Variants in CFAP54 observed in about 807,000 individuals in gnomAD.
The protein encoded by CFAP54 is cilia and flagella associated protein 54.
In CFAP54, 290 loss-of-function variants were observed where a neutral mutation model predicts 370.4. The observed-to-expected ratio is 0.78, with a 90% CI of 0.71 to 0.86. The LOEUF (loss-of-function observed/expected upper bound fraction) is 0.86. Among genes scored for constraint, CFAP54 ranks in the 40% least tolerant of loss-of-function variants. The pLI is 0.00. For synonymous variants in CFAP54, 1,206 were observed against 1,236.5 expected (o/e 0.98, Z 0.52); for missense variants, 3,399 against 3,528.7 (o/e 0.96, Z 0.93).
intron 52 of CFAP54, among the ~76,000 whole-genome samples, 176 bp downstream of exon 52, chr12:96,742,762 A>G (rs1408361309): frequency 6.6e-6 from 1 of 152,222 alleles, no homozygotes; most frequent in Non-Finnish European, 1.5e-5. Context: ...AGCCCTTTGT[A>G]TCATTGAAAG....
intron 48 of CFAP54, among the ~76,000 whole-genome samples, chr12:96,709,798 T>C (rs2136593307): frequency 6.6e-6 from 1 of 151,926 alleles, no homozygotes; most frequent in African/African-American, 2.4e-5. Context: ...CTCAGCTCAT[T>C]GCAACCTCTG....
chr12:96,547,856 C>A, intron 14 of CFAP54, 46 bp from the exon 15 acceptor site: 1 of 992,312 alleles, frequency 1.0e-6, no homozygotes, highest in South Asian at 1.7e-5. Context: ...CCTCTTCTCC[C>A]TTCCCCTCCA....
At chr12:96,512,299 TTTTATATATATATATATA>T (rs1225470363) in intron 4 of CFAP54, among the ~76,000 whole-genome samples, 27 of 119,574 alleles carry the variant, frequency 2.3e-4, no homozygotes, top group East Asian at 1.0e-3. Context: ...TGGGAACCAA[TTTTATATATATATATATA>T]TATATATATA....
intron 11 of CFAP54, among the ~76,000 whole-genome samples, 199 bp downstream of exon 11, chr12:96,534,426 C>T (rs1955480426): frequency 6.6e-6 from 1 of 152,118 alleles, no homozygotes; most frequent in Non-Finnish European, 1.5e-5. Flanking sequence ...AGAGAAGTAG[C>T]TAGGCGCTAG....
intron 64 of CFAP54, among the ~76,000 whole-genome samples, chr12:96,814,694 C>G (rs1421873058): frequency 6.6e-6 from 1 of 152,174 alleles, no homozygotes; most frequent in Non-Finnish European, 1.5e-5. Context: ...TCCTAATGCT[C>G]TCCTTCCCCT....
chr12:96,632,581 T>A (rs1956620902), intron 32 of CFAP54, among the ~76,000 whole-genome samples: 1 of 152,032 alleles, frequency 6.6e-6, no homozygotes, highest in East Asian at 1.9e-4. Context: ...CTCTTCTCTG[T>A]TTGATTAGTC....
chr12:96,739,856 G>T, intron 50 of CFAP54, 100 bp from the exon 51 acceptor site: 1 of 697,344 alleles, frequency 1.4e-6, no homozygotes, highest in East Asian at 2.9e-5. Context: ...GTTGTTGGCT[G>T]GGGTGTGAGA....
rs182835102 is a variant in CFAP54 at position 96,843,408 on chromosome 12, C to T, written c.9171+14320C>T. 4.6e-5 allele frequency among the ~76,000 whole-genome samples: 7 copies of T among 152,280 alleles called. No individual in the cohort carries two copies. The East Asian group carries it at 1.3e-3, about 29-fold the overall frequency. On this transcript the variant is annotated intron_variant, in intron 66 of 67. Transcript: ENST00000524981. Reference sequence around the variant, plus strand: ...TTGCTGCTGAGATTCCAATCCCTGACGTTTAAATGGAACTAAACCTTTACT... The same window carrying T: ...TTGCTGCTGAGATTCCAATCCCTGATGTTTAAATGGAACTAAACCTTTACT...
At chr12:96,600,909 A>G (rs1025286584) in intron 26 of CFAP54, among the ~76,000 whole-genome samples, 10 of 152,092 alleles carry the variant, frequency 6.6e-5, no homozygotes, top group African/African-American at 1.9e-4. Flanking sequence ...CTGCAAACAG[A>G]GACAATTTGA....
intron 50 of CFAP54, among the ~76,000 whole-genome samples, chr12:96,723,547 C>T (rs1454738947): frequency 1.3e-5 from 2 of 151,988 alleles, no homozygotes; most frequent in Admixed American, 6.6e-5. Context: ...AGCATGGAGG[C>T]CAATGGTGAC....
intron 58 of CFAP54, among the ~76,000 whole-genome samples, chr12:96,760,636 A>T (rs1211626962): frequency 6.6e-6 from 1 of 152,144 alleles, no homozygotes; most frequent in Non-Finnish European, 1.5e-5. Context: ...GGGTTCAAGC[A>T]ATTCTCCTGC....
chr12:96,507,554 C>CACAT (rs1238827551), intron 4 of CFAP54, among the ~76,000 whole-genome samples: 1 of 144,656 alleles, frequency 6.9e-6, no homozygotes, highest in Admixed American at 6.9e-5. Context: ...CACACACACA[C>CACAT]ACACATACAC....
chr12:96,689,016 A>G, intron 43 of CFAP54, 34 bp downstream of exon 43: 1 of 1,327,454 alleles, frequency 7.5e-7, no homozygotes. Flanking sequence ...TTTCCATTGT[A>G]GCACAACCAT....
intron 55 of CFAP54, among the ~76,000 whole-genome samples, chr12:96,752,607 CAA>C (rs899614873): frequency 4.6e-5 from 7 of 151,984 alleles, no homozygotes; most frequent in Non-Finnish European, 1.0e-4. Flanking sequence ...TTAAAATTAC[CAA>C]AGAGAAGGTG....
Position 96,817,775 on chromosome 12 carries a change from G to C in CFAP54, c.8958G>C (p.Arg2986Ser). 2 of 1,461,972 alleles carry C rather than the reference G, an allele frequency of 1.4e-6. No homozygotes were observed. The highest frequency in any genetic ancestry group is 1.8e-6 in the Non-Finnish European group (2 of 1,106,014). 90.6% of individuals were successfully genotyped at this position (1,461,972 alleles called of 1,614,324 possible). A position where few individuals can be genotyped will look rare whatever the true frequency, so the allele number is the denominator to read the frequency against. The part of the protein sequence containing the change: ...CVGSLWIPLN[R>S]VIAIHEKLSN... ...ATACATATATATTTGTTATTTTCAG[G>C]GTTATTGCAATTCATGAGAAATTAT... Residue 2986 changes from arginine (R) to serine (S), a missense_variant and splice_region_variant, in exon 65 of 68, where the codon AGG (arginine) becomes AGC (serine). Arg to Ser is a moderately radical substitution (Grantham distance 110, BLOSUM62 -1). This residue lies in a region of CFAP54 where 2,796 missense variants were observed against 2,869.7 expected (regional missense o/e 0.97). Transcript: ENST00000524981.
intron 1 of CFAP54, among the ~76,000 whole-genome samples, chr12:96,499,792 A>G (rs1219366752): frequency 6.6e-6 from 1 of 152,058 alleles, no homozygotes; most frequent in African/African-American, 2.4e-5. Flanking sequence ...CTAAAAATAC[A>G]ACAATCAGCC....
chr12:96,557,265 A>G (rs1400403100), intron 17 of CFAP54, among the ~76,000 whole-genome samples: 2 of 152,216 alleles, frequency 1.3e-5, no homozygotes, highest in African/African-American at 4.8e-5. Flanking sequence ...ACTAACGATT[A>G]GCATGAACAA....
chr12:96,513,144 T>A (rs1038214388), intron 5 of CFAP54, 100 bp downstream of exon 5: 3 of 444,196 alleles, frequency 6.8e-6, no homozygotes, highest in African/African-American at 6.2e-5. Context: ...CAAGGAATAT[T>A]TGGAGAATTA....
intron 60 of CFAP54, among the ~76,000 whole-genome samples, chr12:96,773,239 A>G (rs1958481225): frequency 7.9e-6 from 1 of 126,576 alleles, no homozygotes; most frequent in Admixed American, 7.4e-5. Flanking sequence ...TTTGTTTCCT[A>G]TAAAGGAAAC....
Sources: allele counts gnomAD v4.1 joint callset (sites outside exome capture counted in the v4.1 genomes callset), GRCh38; gene constraint gnomAD v4.1.1; regional missense constraint gnomAD v4.1.1; transcripts MANE v1.5; gene names NCBI Gene and HGNC (gene_info 2026-07-23, HGNC 2026-07-21).